The following DNM3 variants were observed in gnomAD, a reference collection of about 807,000 sequenced individuals.
The protein encoded by DNM3 is dynamin 3, also known as dynamin-3.
A neutral mutation model predicts 101.6 loss-of-function variants in DNM3; 47 were observed. That is an observed-to-expected ratio of 0.46 (90% CI 0.37 to 0.59). The LOEUF (loss-of-function observed/expected upper bound fraction) is 0.59, where lower values mean the gene tolerates loss of function less well. DNM3 is among the 20% of genes least tolerant of loss of function. DNM3 has a pLI of 0.00. For missense variants in DNM3, 849 were observed against 1,085.7 expected (o/e 0.78, Z 3.06); for synonymous variants, 385 against 387.9 (o/e 0.99, Z 0.09).
At chr1:172,101,424 G>C (rs1220546985) in intron 13 of DNM3, among the ~76,000 whole-genome samples, 4 of 152,158 alleles carry the variant, frequency 2.6e-5, no homozygotes, top group African/African-American at 4.8e-5. Flanking sequence ...TAGAGTCACT[G>C]TGTCACTATG....
chr1:172,170,428 CT>C (rs1484028525), intron 14 of DNM3, among the ~76,000 whole-genome samples: 9 of 151,756 alleles, frequency 5.9e-5, no homozygotes, highest in Admixed American at 4.6e-4. Context: ...CAGGTCACCA[CT>C]TACTAGCTGT....
At chr1:172,218,239 AATT>A (rs1344388057) in intron 14 of DNM3, among the ~76,000 whole-genome samples, 1 of 152,198 alleles carries the variant, frequency 6.6e-6, no homozygotes, top group African/African-American at 2.4e-5. Flanking sequence ...TAAGAAAAGC[AATT>A]AATAAGAAAA....
At chr1:172,067,880 C>T (rs1371614907) in intron 10 of DNM3, among the ~76,000 whole-genome samples, 1 of 152,162 alleles carries the variant, frequency 6.6e-6, no homozygotes. Flanking sequence ...TCTCTTTGTG[C>T]TTCATGGGAT....
intron 4 of DNM3, among the ~76,000 whole-genome samples, chr1:172,021,907 G>A (rs985845841): frequency 1.2e-4 from 19 of 152,160 alleles, no homozygotes; most frequent in Admixed American, 1.1e-3. Flanking sequence ...AGTTATTACT[G>A]CATATAACCT....
chr1:171,930,249 G>T lies in DNM3; in HGVS notation c.235+8428G>T, dbSNP rs114609113. Among the ~76,000 whole-genome samples the T allele has an allele frequency of 8.0e-3, 1,211 of 152,306 alleles. 10 individuals are homozygous for T. The highest frequency in any genetic ancestry group is 0.028 in the African/African-American group (1,156 of 41,570). On this transcript the variant is annotated intron_variant, in intron 2 of 20. Coordinates refer to ENST00000627582, the MANE Select transcript of DNM3 (RefSeq NM_015569.5). ...ATGGTGGCCTGCCCCTCCCCGCAGA[G>T]CTCTATCCAGGGAGGTGCAATGCTG... is the stretch of plus-strand genomic sequence containing the variant.
chr1:171,971,143 A>G (rs1287700385), intron 2 of DNM3, among the ~76,000 whole-genome samples: 1 of 151,982 alleles, frequency 6.6e-6, no homozygotes, highest in Non-Finnish European at 1.5e-5. Flanking sequence ...ACACATTTTT[A>G]TTTTTAAAAA....
intron 1 of DNM3, among the ~76,000 whole-genome samples, chr1:171,918,439 CTGGGCATA>C (rs1558263455): frequency 6.6e-6 from 1 of 152,154 alleles, no homozygotes; most frequent in Non-Finnish European, 1.5e-5. Context: ...CAAGAGTGTG[CTGGGCATA>C]TGGTTTTCAT....
intron 1 of DNM3, among the ~76,000 whole-genome samples, chr1:171,851,530 C>G (rs776695039): frequency 3.9e-5 from 6 of 152,154 alleles, no homozygotes; most frequent in Non-Finnish European, 5.9e-5. Context: ...TCTCATGCCT[C>G]AGCCACCTGA....
chr1:172,295,006 A>G (rs1052925355), intron 15 of DNM3, among the ~76,000 whole-genome samples: 5 of 152,152 alleles, frequency 3.3e-5, no homozygotes, highest in African/African-American at 1.2e-4. Flanking sequence ...CATACACAAC[A>G]AAGATGGAAA....
At chr1:172,401,300 T>G (rs2070467733) in intron 20 of DNM3, among the ~76,000 whole-genome samples, 1 of 152,204 alleles carries the variant, frequency 6.6e-6, no homozygotes, top group Non-Finnish European at 1.5e-5. Flanking sequence ...AGAGTTAATG[T>G]GGGTAAATCA....
intron 13 of DNM3, among the ~76,000 whole-genome samples, chr1:172,113,620 CA>C (rs34129992): frequency 0.024 from 1,254 of 52,376 alleles, 9 homozygotes; most frequent in African/African-American, 0.065. Context: ...AACTCTGTCT[CA>C]AAAAAAAAAA....
chr1:172,216,002 A>AT (rs751900901), intron 14 of DNM3, among the ~76,000 whole-genome samples: 24,667 of 147,038 alleles, frequency 0.17, 2,663 homozygotes, highest in African/African-American at 0.31. Context: ...TAATAATAAA[A>AT]TTAAAAAAAA....
rs1001958142 is a variant in DNM3, at chr1:171,871,543, G to A, written c.161+29726G>A. 4.6e-5 allele frequency among the ~76,000 whole-genome samples: 7 copies of A among 152,256 alleles called. No homozygotes were observed. The South Asian group carries it at 1.2e-3, about 27-fold the overall frequency. ...CATAGGATTCTCGCAAGAACTGTAG[G>A]ATGTTTAACATTGCTGGTCCTATGA... is the stretch of plus-strand genomic sequence containing the variant. On this transcript the variant is annotated intron_variant, in intron 1 of 20. Transcript: ENST00000627582.
At chr1:172,243,434 G>A (rs191942706) in intron 14 of DNM3, among the ~76,000 whole-genome samples, 254 of 152,268 alleles carry the variant, frequency 1.7e-3, no homozygotes, top group African/African-American at 5.9e-3. Context: ...AGGCCAGAAA[G>A]CCTTCCTGGA....
chr1:172,118,693 A>G lies in DNM3; in HGVS notation c.1546-12482A>G, dbSNP rs188958043. On this transcript the variant is annotated intron_variant, in intron 13 of 20. Coordinates refer to ENST00000627582, the MANE Select transcript of DNM3 (RefSeq NM_015569.5). ...CACCCGTTCCACTCTCGAGCTCCCC[A>G]TCTCCATCAAGCCACAGCAACAACT... Among the ~76,000 whole-genome samples the G allele has an allele frequency of 2.6e-3, 398 of 152,100 alleles. 5 individuals carry two copies. Among genetic ancestry groups the G allele is most frequent in the African/African-American group, 9.1e-3 (377 of 41,490 alleles).
chr1:172,053,081 C>T (rs10797736), intron 10 of DNM3, among the ~76,000 whole-genome samples: 42,414 of 151,878 alleles, frequency 0.28, 6,157 homozygotes, highest in East Asian at 0.47. Flanking sequence ...TGCCTATATC[C>T]TCAAAATTAT....
chr1:171,910,456 G>T (rs2039203708), intron 1 of DNM3, among the ~76,000 whole-genome samples: 1 of 152,142 alleles, frequency 6.6e-6, no homozygotes, highest in Non-Finnish European at 1.5e-5. Context: ...TATAGAGTCA[G>T]GTACTATCTG....
chr1:172,039,849 A>T (rs965004738), intron 7 of DNM3, among the ~76,000 whole-genome samples: 1 of 152,162 alleles, frequency 6.6e-6, no homozygotes, highest in African/African-American at 2.4e-5. Context: ...AATGAATGAT[A>T]ATAAGATTCT....
At chr1:171,929,196 G>T (rs2040813095) in intron 2 of DNM3, among the ~76,000 whole-genome samples, 1 of 152,058 alleles carries the variant, frequency 6.6e-6, no homozygotes, top group African/African-American at 2.4e-5. Context: ...TGGTTATGTT[G>T]CCCAAACAGC....
Sources: allele counts gnomAD v4.1 joint callset (sites outside exome capture counted in the v4.1 genomes callset), GRCh38; gene constraint gnomAD v4.1.1; transcripts MANE v1.5; gene names NCBI Gene and HGNC (gene_info 2026-07-23, HGNC 2026-07-21).